Variants in ROBO1 observed in about 807,000 individuals in gnomAD.
ROBO1 encodes the protein roundabout guidance receptor 1, also known as roundabout homolog 1.
In ROBO1, 149 loss-of-function variants were observed where a neutral mutation model predicts 195.9. The ratio of observed to expected loss-of-function variants is 0.76; its 90% confidence interval spans 0.67 to 0.87. The LOEUF (loss-of-function observed/expected upper bound fraction) is 0.87, where lower values mean the gene tolerates loss of function less well. ROBO1 is among the 40% of genes least tolerant of loss of function. The probability of loss-of-function intolerance (pLI) is 0.00; values close to 1 mark genes in which losing one functional copy is unlikely to be tolerated. For synonymous variants in ROBO1, 816 were observed against 733.2 expected, an observed-to-expected ratio of 1.11 and a Z score of -1.82; for missense variants, 1,933 against 2,068.3, an observed-to-expected ratio of 0.93 and a Z score of 1.27.
chr3:79,354,161 T>C (rs1228097637), intron 2 of ROBO1, among the ~76,000 whole-genome samples: 1 of 152,126 alleles, frequency 6.6e-6, no homozygotes, highest in African/African-American at 2.4e-5. Flanking sequence ...TACAACACTA[T>C]AACAACTGGC....
intron 2 of ROBO1, among the ~76,000 whole-genome samples, chr3:79,441,263 C>G (rs949694770): frequency 6.6e-6 from 1 of 152,080 alleles, no homozygotes; most frequent in Non-Finnish European, 1.5e-5. Context: ...GGAGTCTTGA[C>G]AATTATAACC....
chr3:79,652,305 A>G (rs191460291), intron 1 of ROBO1, among the ~76,000 whole-genome samples: 1 of 151,252 alleles, frequency 6.6e-6, no homozygotes, highest in African/African-American at 2.4e-5. Flanking sequence ...TCTCTTTTCT[A>G]AAAATTCTTT....
intron 2 of ROBO1, among the ~76,000 whole-genome samples, chr3:79,140,422 A>C (rs991571918): frequency 6.6e-6 from 1 of 152,118 alleles, no homozygotes; most frequent in Non-Finnish European, 1.5e-5. Context: ...AGTTACATTC[A>C]TTTATTTATA....
chr3:79,111,078 A>G (rs1461138685), intron 3 of ROBO1, among the ~76,000 whole-genome samples: 1 of 152,180 alleles, frequency 6.6e-6, no homozygotes, highest in Non-Finnish European at 1.5e-5. Flanking sequence ...TGACTTTAGT[A>G]AAGAATACAA....
chr3:79,094,973 C>T (rs1015052580), intron 3 of ROBO1, among the ~76,000 whole-genome samples: 2 of 149,662 alleles, frequency 1.3e-5, no homozygotes, highest in East Asian at 4.1e-4. Context: ...TCCTTCCTTC[C>T]ACAATTATGA....
At chr3:78,898,195 C>T (rs991411198) in intron 4 of ROBO1, among the ~76,000 whole-genome samples, 1 of 148,476 alleles carries the variant, frequency 6.7e-6, no homozygotes, top group African/African-American at 2.5e-5. Flanking sequence ...AAATAATTAG[C>T]TTTAAATAAA....
intron 3 of ROBO1, among the ~76,000 whole-genome samples, chr3:79,029,480 A>G (rs904590293): frequency 6.6e-6 from 1 of 152,166 alleles, no homozygotes; most frequent in African/African-American, 2.4e-5. Flanking sequence ...ACACTTGACA[A>G]AGTCTAATTA....
Position 78,903,550 on chromosome 3 carries a change from TACAC to T in ROBO1, c.499+35047_499+35050del, listed in dbSNP as rs146975185. 7.1e-3 allele frequency among the ~76,000 whole-genome samples: 1,021 copies of T among 143,384 alleles called. 8 individuals are homozygous for T. Among genetic ancestry groups the T allele is most frequent in the East Asian group, 0.04 (197 of 4,900 alleles). 94.1% of individuals were successfully genotyped at this position (143,384 alleles called of 152,430 possible). A position where few individuals can be genotyped will look rare whatever the true frequency, so the allele number is the denominator to read the frequency against. On this transcript the variant is annotated intron_variant, in intron 4 of 30. Coordinates refer to ENST00000464233, the MANE Select transcript of ROBO1 (RefSeq NM_002941.4). ...TAGAAAACTGGGACAATAAAAGAAG[TACAC>T]ACACACACACACACACACACACACA...
At chr3:79,698,099 T>A (rs1947500847) in intron 1 of ROBO1, among the ~76,000 whole-genome samples, 1 of 151,514 alleles carries the variant, frequency 6.6e-6, no homozygotes, top group East Asian at 1.9e-4. Context: ...GGAGATAATC[T>A]AATAGTAAAA....
At chr3:78,693,127 T>C (rs1421776843) in intron 8 of ROBO1, 1 of 482,574 alleles carries the variant, frequency 2.1e-6, no homozygotes, top group East Asian at 3.3e-5. Context: ...TTTAATTTCA[T>C]AAGATATAAA....
intron 4 of ROBO1, among the ~76,000 whole-genome samples, chr3:78,763,617 T>C (rs142247132): frequency 6.6e-6 from 1 of 152,286 alleles, no homozygotes; most frequent in Non-Finnish European, 1.5e-5. Flanking sequence ...TCCACACCAT[T>C]TAATCTCTTG....
At chr3:79,612,447 G>C (rs1434691179) in intron 1 of ROBO1, among the ~76,000 whole-genome samples, 1 of 151,554 alleles carries the variant, frequency 6.6e-6, no homozygotes, top group African/African-American at 2.4e-5. Context: ...CATTTGGGTT[G>C]GTTCCAAGTC....
chr3:79,242,013 A>G (rs1320193001), intron 2 of ROBO1, among the ~76,000 whole-genome samples: 2 of 151,412 alleles, frequency 1.3e-5, no homozygotes, highest in East Asian at 3.9e-4. Context: ...AAACAGAAAT[A>G]CACTTGGGCA....
intron 1 of ROBO1, among the ~76,000 whole-genome samples, chr3:79,720,376 A>C (rs1702647614): frequency 6.6e-6 from 1 of 152,164 alleles, no homozygotes; most frequent in South Asian, 2.1e-4. Context: ...TGCCAGTCAA[A>C]TTAGTGAGCC....
intron 2 of ROBO1, among the ~76,000 whole-genome samples, chr3:79,478,424 G>C (rs921966320): frequency 7.7e-6 from 1 of 130,632 alleles, no homozygotes; most frequent in African/African-American, 3.0e-5. Context: ...TACATGTTAA[G>C]CTTGTTAATA....
intron 1 of ROBO1, among the ~76,000 whole-genome samples, chr3:79,674,956 A>T (rs2106929145): frequency 6.6e-6 from 1 of 151,974 alleles, no homozygotes; most frequent in South Asian, 2.1e-4. Flanking sequence ...GTCTTTTTAT[A>T]ATTTTAATAT....
intron 3 of ROBO1, among the ~76,000 whole-genome samples, chr3:78,965,412 T>C (rs1318184388): frequency 1.3e-5 from 2 of 152,136 alleles, no homozygotes; most frequent in African/African-American, 2.4e-5. Context: ...TTTCCTTTTT[T>C]CATATCATCT....
At chr3:78,699,881 T>A (rs2107928933) in intron 8 of ROBO1, among the ~76,000 whole-genome samples, 1 of 152,176 alleles carries the variant, frequency 6.6e-6, no homozygotes, top group Admixed American at 6.5e-5. Flanking sequence ...ATTCAGTCTT[T>A]AGAGCTCAGT....
intron 2 of ROBO1, among the ~76,000 whole-genome samples, chr3:79,355,061 G>GATTAC (rs1268158694): frequency 1.3e-5 from 2 of 152,032 alleles, no homozygotes; most frequent in African/African-American, 4.8e-5. Context: ...AGGTACTCCG[G>GATTAC]AGGCTGAGGC....
Sources: gnomAD v4.1 joint callset for allele counts (sites outside exome capture counted in the v4.1 genomes callset) on GRCh38, gnomAD v4.1.1 for gene constraint, MANE v1.5 for transcripts, NCBI Gene and HGNC (gene_info 2026-07-23, HGNC 2026-07-21) for gene names.